Variants in RNF150 observed in about 807,000 individuals in gnomAD.
RNF150 encodes the protein ring finger protein 150.
A neutral mutation model predicts 39.3 loss-of-function variants in RNF150; 24 were observed. That is an observed-to-expected ratio of 0.61 (90% CI 0.44 to 0.86). The LOEUF (loss-of-function observed/expected upper bound fraction) is 0.86, where lower values mean the gene tolerates loss of function less well. RNF150 is among the 40% of genes least tolerant of loss of function. The pLI, the probability that RNF150 is intolerant of heterozygous loss-of-function variation, is 0.00. For synonymous variants in RNF150, 255 were observed against 227.3 expected, an observed-to-expected ratio of 1.12 and a Z score of -1.10; for missense variants, 502 against 587.8, an observed-to-expected ratio of 0.85 and a Z score of 1.51.
At position 141,154,269 on chromosome 4, in the gene RNF150, G is replaced by A. The variant is rs1044611117; in HGVS notation, c.-6+58525C>T. On this transcript the variant is annotated intron_variant, in intron 1 of 7. Transcript: ENST00000420921. ...GTTCCTTGGCCAATTTCCAACTTAC[G>A]TTCTTCCCACGTAAGTAGCCAGATC... Among the ~76,000 whole-genome samples, 54 of 152,124 alleles carry A rather than the reference G, an allele frequency of 3.5e-4. 1 individual carries two copies. Among genetic ancestry groups the A allele is most frequent in the African/African-American group, 1.3e-3 (52 of 41,420 alleles).
At position 141,000,087 on chromosome 4, in the gene RNF150, G is replaced by GAAGAAGAAGAAGA. The variant is rs1553935774; in HGVS notation, c.485-32215_485-32214insTCTTCTTCTTCTT. Among the ~76,000 whole-genome samples, 2 of 35,936 alleles carry GAAGAAGAAGAAGA rather than the reference G, an allele frequency of 5.6e-5. 1 individual carries two copies. 23.6% of individuals were successfully genotyped at this position (35,936 alleles called of 152,430 possible). On this transcript the variant is annotated intron_variant, in intron 1 of 6. Coordinates refer to ENST00000515673, the MANE Select transcript of RNF150 (RefSeq NM_020724.2). The stretch of plus-strand genomic sequence containing the variant: ...GAAGAAGAAGAAGAAGAAGAAGAAG[G>GAAGAAGAAGAAGA]AGAAGAAGAAGAAGAAGAAGAGGAG...
intron 1 of RNF150, among the ~76,000 whole-genome samples, chr4:141,019,453 G>T (rs1233158310): frequency 6.6e-6 from 1 of 152,024 alleles, no homozygotes. Context: ...ATTCTTATTA[G>T]ATGGGGAAAA....
intron 1 of RNF150, among the ~76,000 whole-genome samples, chr4:141,179,020 G>A (rs568316136): frequency 2.6e-5 from 4 of 152,038 alleles, no homozygotes; most frequent in Admixed American, 1.3e-4. Flanking sequence ...TCTCTCTTAG[G>A]ACCCTGTTTC....
intron 2 of RNF150, among the ~76,000 whole-genome samples, chr4:140,961,017 C>G (rs890377098): frequency 1.3e-5 from 2 of 152,090 alleles, no homozygotes; most frequent in Admixed American, 6.6e-5. Context: ...AGTCACACCA[C>G]TAGGAATTAT....
intron 5 of RNF150, among the ~76,000 whole-genome samples, chr4:140,912,876 T>A (rs1170035861): frequency 6.6e-6 from 1 of 151,250 alleles, no homozygotes; most frequent in East Asian, 1.9e-4. Context: ...GGTTTATGAA[T>A]ATTCTCTCCC....
At position 140,967,860 on chromosome 4, in the gene RNF150, G is replaced by C; in HGVS notation, c.498C>G (p.Ile166Met). ...ITMPHAGVED[I>M]VAIMIPEPKG... is the part of the protein sequence containing the mutation. Reference sequence around the variant, plus strand: ...TTGGCTCAGGAATCATTATGGCCACGATGTCTTCTACACCTGTGGTAAGAG... The same window carrying C: ...TTGGCTCAGGAATCATTATGGCCACCATGTCTTCTACACCTGTGGTAAGAG... Residue 166 changes from isoleucine to methionine, a missense_variant, in exon 2 of 7, where the codon ATC becomes ATG. By Grantham distance (10) the Ile-to-Met change is conservative (BLOSUM62 1). Transcript: ENST00000515673. 1 of 1,613,100 alleles carries C rather than the reference G, an allele frequency of 6.2e-7. No individual in the cohort carries two copies. The highest frequency in any genetic ancestry group is 8.5e-7 in the Non-Finnish European group (1 of 1,179,378).
At chr4:141,150,894 T>C (rs1008981145) in intron 1 of RNF150, among the ~76,000 whole-genome samples, 4 of 152,136 alleles carry the variant, frequency 2.6e-5, no homozygotes, top group African/African-American at 7.2e-5. Flanking sequence ...TTAAAATAAT[T>C]TTTTGTATCA....
intron 1 of RNF150, among the ~76,000 whole-genome samples, chr4:141,120,146 T>G (rs1726563444): frequency 6.6e-6 from 1 of 152,178 alleles, no homozygotes; most frequent in Non-Finnish European, 1.5e-5. Flanking sequence ...GAGTTTATAT[T>G]CCCATGTGGG....
intron 1 of RNF150, among the ~76,000 whole-genome samples, chr4:141,150,143 G>C (rs181313061): frequency 6.6e-6 from 1 of 152,098 alleles, no homozygotes; most frequent in South Asian, 2.1e-4. Context: ...AAAATGGTGG[G>C]AAAATATACT....
chr4:141,144,569 T>A (rs1455431830), intron 1 of RNF150, among the ~76,000 whole-genome samples: 1 of 152,216 alleles, frequency 6.6e-6, no homozygotes, highest in South Asian at 2.1e-4. Flanking sequence ...TTGCTCTTGA[T>A]GTTTATTAAT....
In RNF150 at chr4:141,132,596, C is replaced by G; in HGVS notation, c.213G>C (p.Lys71Asn). The G allele has an allele frequency of 6.4e-7, 1 of 1,566,458 alleles. No homozygotes were observed. The highest frequency in any genetic ancestry group is 8.6e-7 in the Non-Finnish European group (1 of 1,156,374). Reference sequence around the variant, plus strand: ...GCTCTCCGTAGCGCCCGCACTCCGTCTTCTCCGTGTGCAGCTCCGCGCCGC... The same window carrying G: ...GCTCTCCGTAGCGCCCGCACTCCGTGTTCTCCGTGTGCAGCTCCGCGCCGC... The part of the protein sequence containing the change: ...GGGGAELHTE[K>N]TECGRYGEHS... Residue 71 changes from lysine (K) to asparagine (N), a missense_variant, in exon 1 of 7, where the codon AAG becomes AAC. Coordinates refer to ENST00000515673, the MANE Select transcript of RNF150 (RefSeq NM_020724.2). The surrounding 1 kb of genome is among the most constrained non-coding windows in gnomAD (Gnocchi z 4.9).
intron 2 of RNF150, among the ~76,000 whole-genome samples, chr4:140,957,362 C>T (rs1403472919): frequency 1.3e-5 from 2 of 151,918 alleles, no homozygotes; most frequent in African/African-American, 4.8e-5. Context: ...TACCATCTCA[C>T]ACCAGTTAGA....
chr4:140,901,062 T>A (rs1730169379), intron 6 of RNF150, among the ~76,000 whole-genome samples: 1 of 152,174 alleles, frequency 6.6e-6, no homozygotes. Context: ...TATCATGGGT[T>A]AATATAAAAT....
intron 1 of RNF150, among the ~76,000 whole-genome samples, chr4:141,000,084 AAGG>A (rs1560679586): frequency 0.081 from 1,795 of 22,144 alleles, 327 homozygotes; most frequent in Middle Eastern, 0.12. Flanking sequence ...GAAGAAGAAG[AAGG>A]AGAAGAAGAA....
rs566839423 is a variant in RNF150, at chr4:141,209,039, CTT to C, written c.-6+3753_-6+3754del. 8.0e-4 allele frequency among the ~76,000 whole-genome samples: 121 copies of C among 151,976 alleles called. 2 individuals carry two copies. The highest frequency in any genetic ancestry group is 2.8e-3 in the African/African-American group (118 of 41,424). On this transcript the variant is annotated intron_variant, in intron 1 of 7. Coordinates refer to the RNF150 transcript ENST00000420921. ...TTCAGCAAATGGAAGCAAGCTTGTTCTTTGTCTGGTGAGACACCTTACCTCAA... is the reference window on the plus strand; with the variant it reads ...TTCAGCAAATGGAAGCAAGCTTGTTCTGTCTGGTGAGACACCTTACCTCAA...
At chr4:141,164,236 A>G (rs78395937) in intron 1 of RNF150, among the ~76,000 whole-genome samples, 1,637 of 151,912 alleles carry the variant, frequency 0.011, 30 homozygotes, top group African/African-American at 0.038. Context: ...AAAAAAAAAC[A>G]TGAAGACAAG....
chr4:140,884,641 GT>G (rs1729496050), intron 6 of RNF150, among the ~76,000 whole-genome samples: 1 of 152,102 alleles, frequency 6.6e-6, no homozygotes, highest in Admixed American at 6.5e-5. Flanking sequence ...TCCCCCTTGT[GT>G]TTATGTTTGA....
chr4:140,886,427 G>A (rs935395106), intron 6 of RNF150, among the ~76,000 whole-genome samples: 6 of 152,042 alleles, frequency 3.9e-5, no homozygotes, highest in Admixed American at 2.6e-4. Flanking sequence ...AGTGACATAA[G>A]GCAGGTCACC....
At chr4:141,097,442 A>T (rs1398263855) in intron 1 of RNF150, among the ~76,000 whole-genome samples, 1 of 152,208 alleles carries the variant, frequency 6.6e-6, no homozygotes, top group Non-Finnish European at 1.5e-5. Flanking sequence ...AGCTTATAAT[A>T]ACTATAAAAT....
Sources: gnomAD v4.1 joint callset for allele counts (sites outside exome capture counted in the v4.1 genomes callset) on GRCh38, gnomAD v4.1.1 for gene constraint, Gnocchi (gnomAD v3.1) non-coding constraint, MANE v1.5 for transcripts, NCBI Gene and HGNC (gene_info 2026-07-23, HGNC 2026-07-21) for gene names.